Variants in SQOR observed in about 807,000 individuals in gnomAD.
The protein encoded by SQOR is sulfide quinone oxidoreductase, also known as sulfide:quinone oxidoreductase, mitochondrial.
Under a neutral mutation model 48.6 loss-of-function variants are expected in SQOR, and 39 were observed. The ratio of observed to expected loss-of-function variants is 0.80; its 90% CI spans 0.62 to 1.05. SQOR has a LOEUF of 1.05. Among genes scored for constraint, SQOR ranks in the 50% least tolerant of loss-of-function variants. The pLI is 0.00. For synonymous variants in SQOR, 220 were observed against 206.2 expected, an observed-to-expected ratio of 1.07 and a Z score of -0.57; for missense variants, 561 against 559.9, an observed-to-expected ratio of 1.00 and a Z score of -0.02.
At chr15:45,655,879 A>T (rs12440220) in intron 1 of SQOR, among the ~76,000 whole-genome samples, 1 of 151,228 alleles carries the variant, frequency 6.6e-6, no homozygotes, top group Non-Finnish European at 1.5e-5. Context: ...TAGAGACGGG[A>T]TTTCACCATG....
chr15:45,676,403 T>C, intron 6 of SQOR, 93 bp downstream of exon 6: 2 of 1,279,250 alleles, frequency 1.6e-6, no homozygotes, highest in Admixed American at 2.0e-5. Context: ...TCTGCCATCA[T>C]TGTGTGCTGG....
In SQOR at chr15:45,658,947, A is replaced by T; in HGVS notation, c.24A>T (p.Val8=). 6.4e-7 allele frequency: 1 copy of T among 1,572,518 alleles called. No homozygotes were observed. Among genetic ancestry groups the T allele is most frequent in the Non-Finnish European group, 8.7e-7 (1 of 1,154,446 alleles). The change falls in exon 2 of 10, where the codon GTA becomes GTT. Residue 8 remains valine, a synonymous_variant. Transcript: ENST00000260324. MVPLVAV[V]SGPRAQLFAC... ...AGATGGTGCCACTGGTGGCTGTGGT[A>T]TCAGGGCCCCGTGCCCAGCTCTTTG...
intron 4 of SQOR, 63 bp from the exon 5 acceptor site, chr15:45,673,544 G>A: frequency 6.5e-7 from 1 of 1,528,992 alleles, no homozygotes; most frequent in South Asian, 1.2e-5. Context: ...AAATGGCAAA[G>A]AACAAGGACT....
In SQOR at chr15:45,659,167, C is replaced by G. The variant is rs1482913820; in HGVS notation, c.234+10C>G. 13 of 1,503,942 alleles carry G rather than the reference C, an allele frequency of 8.6e-6. No individual in the cohort carries two copies. The highest frequency in any genetic ancestry group is 8.1e-6 in the Non-Finnish European group (9 of 1,117,282). 93.2% of individuals were successfully genotyped at this position (1,503,942 alleles called of 1,614,324 possible). ...TGTTGAGCCCAGTGAGGTAAGCCTC[C>G]CCTTTTGAGGGCCTGGGTGTGTGTG... On this transcript the variant is annotated intron_variant, in intron 2 of 9. Coordinates refer to ENST00000260324, the MANE Select transcript of SQOR (RefSeq NM_021199.4).
chr15:45,648,966 T>G (rs1889407276), intron 1 of SQOR, among the ~76,000 whole-genome samples: 1 of 152,262 alleles, frequency 6.6e-6, no homozygotes, highest in African/African-American at 2.4e-5. Flanking sequence ...AGACCCACTG[T>G]GTCCTCAAAA....
chr15:45,651,707 A>G (rs1007870012), intron 1 of SQOR, among the ~76,000 whole-genome samples: 1 of 152,116 alleles, frequency 6.6e-6, no homozygotes, highest in African/African-American at 2.4e-5. Flanking sequence ...GGCCTCAAGC[A>G]ATCCTCCCAC....
intron 3 of SQOR, among the ~76,000 whole-genome samples, chr15:45,669,281 C>T (rs1048800495): frequency 7.2e-5 from 11 of 151,870 alleles, no homozygotes; most frequent in African/African-American, 2.7e-4. Context: ...GCGATTCTCC[C>T]ACTTCAGCCC....
rs532535956 is a variant in SQOR, at chr15:45,647,328, CT to C, written c.-17-11563del. 1.9e-3 allele frequency among the ~76,000 whole-genome samples: 271 copies of C among 140,458 alleles called. 1 individual carries two copies. Among genetic ancestry groups the C allele is most frequent in the Middle Eastern group, 3.9e-3 (1 of 258 alleles). 92.1% of individuals were successfully genotyped at this position (140,458 alleles called of 152,430 possible). A position where few individuals can be genotyped will look rare whatever the true frequency, so the allele number is the denominator to read the frequency against. ...ATGGGATTCAACCAAGCTACTTTAACTTTTTTTTTTTTTTTTGAGACAGGGT... is the reference window on the plus strand; with the variant it reads ...ATGGGATTCAACCAAGCTACTTTAACTTTTTTTTTTTTTTTGAGACAGGGT... On this transcript the variant is annotated intron_variant, in intron 1 of 9. Coordinates refer to ENST00000260324, the MANE Select transcript of SQOR (RefSeq NM_021199.4).
chr15:45,647,243 T>G (rs1456478315), intron 1 of SQOR, among the ~76,000 whole-genome samples: 1 of 151,294 alleles, frequency 6.6e-6, no homozygotes, highest in African/African-American at 2.4e-5. Context: ...AGTGAAACTC[T>G]GTTAGAAAAA....
intron 2 of SQOR, among the ~76,000 whole-genome samples, chr15:45,661,468 T>G (rs554062419): frequency 6.6e-6 from 1 of 152,232 alleles, no homozygotes; most frequent in South Asian, 2.1e-4. Context: ...CAGCCCTCAC[T>G]GGGCTTGGGA....
At chr15:45,665,694 C>T (rs1399974013) in intron 3 of SQOR, among the ~76,000 whole-genome samples, 1 of 151,972 alleles carries the variant, frequency 6.6e-6, no homozygotes, top group African/African-American at 2.4e-5. Context: ...AGTGATTCTC[C>T]TGCCTCAGCC....
intron 8 of SQOR, among the ~76,000 whole-genome samples, chr15:45,688,644 TGGAATTACA>T (rs1318729593): frequency 6.6e-6 from 1 of 152,032 alleles, no homozygotes; most frequent in Non-Finnish European, 1.5e-5. Flanking sequence ...CCCGAATAGA[TGGAATTACA>T]GGCATGTGCC....
At chr15:45,650,250 CTACT>C (rs1386280831) in intron 1 of SQOR, among the ~76,000 whole-genome samples, 1 of 152,212 alleles carries the variant, frequency 6.6e-6, no homozygotes, top group Non-Finnish European at 1.5e-5. Flanking sequence ...AACCGTCCTC[CTACT>C]GTGTCCGGAA....
intron 1 of SQOR, among the ~76,000 whole-genome samples, chr15:45,651,052 A>G (rs529812865): frequency 7.2e-5 from 11 of 152,158 alleles, no homozygotes; most frequent in African/African-American, 2.4e-4. Flanking sequence ...ACAGGGCATC[A>G]CAGAGCAGGG....
chr15:45,671,935 T>C (rs1016347794), intron 4 of SQOR, among the ~76,000 whole-genome samples: 3 of 152,098 alleles, frequency 2.0e-5, no homozygotes, highest in Non-Finnish European at 2.9e-5. Flanking sequence ...CTCTCTCCCC[T>C]CCTCTCTAGC....
chr15:45,669,552 A>G (rs1889900234), intron 3 of SQOR, among the ~76,000 whole-genome samples: 1 of 152,202 alleles, frequency 6.6e-6, no homozygotes, highest in Admixed American at 6.5e-5. Flanking sequence ...TAATACAAGC[A>G]CTGTACAAAT....
At chr15:45,685,121 T>G (rs1040371257) in intron 7 of SQOR, among the ~76,000 whole-genome samples, 2 of 152,218 alleles carry the variant, frequency 1.3e-5, no homozygotes, top group African/African-American at 4.8e-5. Flanking sequence ...TGTCTCTAAA[T>G]TTTTGCCATT....
At chr15:45,644,161 C>G (rs1307605102) in intron 1 of SQOR, among the ~76,000 whole-genome samples, 1 of 152,048 alleles carries the variant, frequency 6.6e-6, no homozygotes, top group Non-Finnish European at 1.5e-5. Context: ...GATCTCGGCT[C>G]ACTGCAACCT....
At chr15:45,675,664 T>C (rs968021850) in intron 5 of SQOR, among the ~76,000 whole-genome samples, 1 of 152,146 alleles carries the variant, frequency 6.6e-6, no homozygotes, top group Non-Finnish European at 1.5e-5. Context: ...CCTCCCAAAG[T>C]GCTAGGATTA....
Sources: allele counts gnomAD v4.1 joint callset (sites outside exome capture counted in the v4.1 genomes callset), GRCh38; gene constraint gnomAD v4.1.1; transcripts MANE v1.5; gene names NCBI Gene and HGNC (gene_info 2026-07-23, HGNC 2026-07-21).